The following PCDHGA2 variants were observed in gnomAD, a reference collection of about 807,000 sequenced individuals.
PCDHGA2 encodes the protein protocadherin gamma subfamily A, 2, also known as protocadherin gamma-A2.
A neutral mutation model predicts 59.2 loss-of-function variants in PCDHGA2; 40 were observed. The observed-to-expected ratio is 0.68, with a 90% CI of 0.52 to 0.88. The LOEUF (loss-of-function observed/expected upper bound fraction) is 0.88. PCDHGA2 is among the 40% of genes least tolerant of loss of function. The pLI is 0.00. For missense variants in PCDHGA2, 1,226 were observed against 1,204.0 expected, an observed-to-expected ratio of 1.02 and a Z score of -0.27; for synonymous variants, 560 against 526.0, an observed-to-expected ratio of 1.06 and a Z score of -0.89.
chr5:141,415,740 G>GTTTTTTTTTTTTTTTTTTTGTTT, intron 1 of PCDHGA2: 1 of 617,992 alleles, frequency 1.6e-6, no homozygotes, highest in Non-Finnish European at 2.1e-6. Flanking sequence ...GTTTATTAAG[G>GTTTTTTTTTTTTTTTTTTTGTTT]TTTTTTTTTT....
At chr5:141,478,247 G>T in intron 1 of PCDHGA2, 1 of 1,614,076 alleles carries the variant, frequency 6.2e-7, no homozygotes, top group Non-Finnish European at 8.5e-7. Context: ...CACAGTGTTC[G>T]GAGTAATCAT....
intron 1 of PCDHGA2, chr5:141,357,816 T>G: frequency 2.8e-6 from 2 of 715,180 alleles, no homozygotes; most frequent in African/African-American, 1.8e-5. Flanking sequence ...TTATTACTTA[T>G]CCTTTTTGGT....
intron 1 of PCDHGA2, among the ~76,000 whole-genome samples, chr5:141,482,652 G>C (rs1276348234): frequency 6.6e-6 from 1 of 152,074 alleles, no homozygotes; most frequent in African/African-American, 2.4e-5. Flanking sequence ...GGTGATGCTT[G>C]AGCTATGATC....
In PCDHGA2 at chr5:141,376,300, C is replaced by G. The variant is rs202008607; in HGVS notation, c.2424+34905C>G. 1.3e-4 allele frequency: 204 copies of G among 1,614,218 alleles called. 1 individual carries two copies. The Middle Eastern group carries it at 1.7e-3, about 13-fold the overall frequency. On this transcript the variant is annotated intron_variant, in intron 1 of 3. Coordinates refer to ENST00000394576, the MANE Select transcript of PCDHGA2 (RefSeq NM_018915.4). ...GCTTAGCGAGCATGCCCGGCTCGCA[C>G]TTTGTGGGCGTGGAAGGGGTTCGGG...
At chr5:141,480,702 C>T (rs1455955207) in intron 1 of PCDHGA2, among the ~76,000 whole-genome samples, 1 of 152,170 alleles carries the variant, frequency 6.6e-6, no homozygotes, top group African/African-American at 2.4e-5. Context: ...AGGCCACACC[C>T]CGACAAATGA....
At chr5:141,505,336 G>A in intron 2 of PCDHGA2, 57 bp from the exon 3 acceptor site, 2 of 1,611,374 alleles carry the variant, frequency 1.2e-6, no homozygotes, top group South Asian at 1.1e-5. Flanking sequence ...GAGGACAGGA[G>A]GGGCATGAGC....
At chr5:141,481,357 G>A (rs1399668487) in intron 1 of PCDHGA2, among the ~76,000 whole-genome samples, 1 of 152,176 alleles carries the variant, frequency 6.6e-6, no homozygotes, top group Non-Finnish European at 1.5e-5. Context: ...ATCTACAGCT[G>A]TTCAATAGAT....
rs367651596 is a variant in PCDHGA2, at chr5:141,393,468, A to G, written c.2424+52073A>G. 1.1e-5 allele frequency: 18 copies of G among 1,613,922 alleles called. No individual in the cohort carries two copies. The highest frequency in any genetic ancestry group is 8.0e-5 in the African/African-American group (6 of 74,958). ...GGTCCTCACGGCCTCGGATGGCGGC[A>G]AGCCGCCTCGCTCTAGCACAGTGCG... On this transcript the variant is annotated intron_variant, in intron 1 of 3. Coordinates refer to ENST00000394576, the MANE Select transcript of PCDHGA2 (RefSeq NM_018915.4).
chr5:141,420,963 A>T, intron 1 of PCDHGA2: 1 of 430,262 alleles, frequency 2.3e-6, no homozygotes, highest in Non-Finnish European at 4.1e-6. Flanking sequence ...TAGTCGTTGC[A>T]ATAATAAGAA....
chr5:141,382,910 A>G, intron 1 of PCDHGA2: 1 of 1,546,576 alleles, frequency 6.5e-7, no homozygotes. Flanking sequence ...ATGGCGGCTC[A>G]GCCGAGGGGC....
At chr5:141,407,943 T>C (rs575027782) in intron 1 of PCDHGA2, 7 of 537,790 alleles carry the variant, frequency 1.3e-5, no homozygotes, top group African/African-American at 7.6e-5. Flanking sequence ...TGGGCGCCGC[T>C]GTCGGCCAGT....
At chr5:141,447,149 T>C (rs2098528211) in intron 1 of PCDHGA2, among the ~76,000 whole-genome samples, 1 of 152,212 alleles carries the variant, frequency 6.6e-6, no homozygotes, top group African/African-American at 2.4e-5. Flanking sequence ...TTTGTTTTTG[T>C]TTTTGTTTAA....
At chr5:141,399,464 C>T (rs747827208) in intron 1 of PCDHGA2, 4 of 1,614,018 alleles carry the variant, frequency 2.5e-6, no homozygotes, top group South Asian at 1.1e-5. Flanking sequence ...GATAACGCTC[C>T]GGTTTTCCAC....
chr5:141,403,367 G>A (rs753470303), intron 1 of PCDHGA2: 1 of 1,614,038 alleles, frequency 6.2e-7, no homozygotes, highest in South Asian at 1.1e-5. Context: ...CGAAAGTCTG[G>A]AAGTAAAAAT....
chr5:141,419,981 A>C, intron 1 of PCDHGA2: 2 of 1,614,052 alleles, frequency 1.2e-6, no homozygotes, highest in Non-Finnish European at 1.7e-6. Context: ...CCTCGCGGTG[A>C]TTCTAGCTAT....
intron 1 of PCDHGA2, among the ~76,000 whole-genome samples, chr5:141,449,339 G>T (rs1307731679): frequency 6.6e-6 from 1 of 151,930 alleles, no homozygotes; most frequent in Non-Finnish European, 1.5e-5. Context: ...AGGTGCAGTG[G>T]CTCACTCCTG....
At position 141,499,673 on chromosome 5, in the gene PCDHGA2, C is replaced by A. The variant is rs1193484216; in HGVS notation, c.2483+4808C>A. Among the ~76,000 whole-genome samples the A allele has an allele frequency of 2.7e-5, 4 of 150,550 alleles. No individual in the cohort carries two copies. In the East Asian group the frequency reaches 7.8e-4, roughly 29 times the overall value. On this transcript the variant is annotated intron_variant, in intron 2 of 3. Transcript: ENST00000394576. ...CATATAATTTCATCTTGGTCTCCACCATCTTTAACAGATGACTTTTTTTTT... is the reference window on the plus strand; with the variant it reads ...CATATAATTTCATCTTGGTCTCCACAATCTTTAACAGATGACTTTTTTTTT...
intron 1 of PCDHGA2, chr5:141,399,540 C>T (rs775910113): frequency 9.3e-6 from 15 of 1,614,052 alleles, no homozygotes; most frequent in Non-Finnish European, 1.3e-5. Context: ...CGCAAGTCTG[C>T]GCCTCGGACC....
chr5:141,461,371 G>C (rs755281402), intron 1 of PCDHGA2, among the ~76,000 whole-genome samples: 1 of 152,084 alleles, frequency 6.6e-6, no homozygotes, highest in Non-Finnish European at 1.5e-5. Context: ...GTTTTAATTT[G>C]CATTTTCCTG....
Sources: gnomAD v4.1 joint callset for allele counts (sites outside exome capture counted in the v4.1 genomes callset) on GRCh38, gnomAD v4.1.1 for gene constraint, MANE v1.5 for transcripts, NCBI Gene and HGNC (gene_info 2026-07-23, HGNC 2026-07-21) for gene names.